KLRD1: variants seen among roughly 807,000 people sequenced by gnomAD.
KLRD1 encodes the protein natural killer cells antigen CD94.
KLRD1 carries 21 observed loss-of-function variants against 22.6 expected under a neutral mutation model. The ratio of observed to expected loss-of-function variants is 0.93; its 90% CI spans 0.66 to 1.34. The LOEUF is 1.34. Ranked by LOEUF, KLRD1 falls within the 40% of genes most tolerant of loss-of-function variation. The probability of loss-of-function intolerance (pLI) is 0.00; values close to 1 mark genes in which losing one functional copy is unlikely to be tolerated. For synonymous variants in KLRD1, 59 were observed against 71.1 expected (o/e 0.83, Z 0.85); for missense variants, 183 against 208.6 (o/e 0.88, Z 0.76).
upstream of KLRD1, among the ~76,000 whole-genome samples, chr12:10,305,695 A>T (rs1393883804): frequency 6.6e-6 from 1 of 152,198 alleles, no homozygotes; most frequent in East Asian, 1.9e-4. Flanking sequence ...TTCAGCAGTT[A>T]TTGGAGAAAA....
chr12:10,245,576 A>T (rs957260434), intron 1 of KLRD1, among the ~76,000 whole-genome samples: 5 of 152,202 alleles, frequency 3.3e-5, no homozygotes, highest in African/African-American at 1.2e-4. Context: ...ATATAAATAA[A>T]CCTGTACATA....
upstream of KLRD1, among the ~76,000 whole-genome samples, chr12:10,305,533 G>T (rs374756334): frequency 2.0e-4 from 31 of 152,224 alleles, no homozygotes; most frequent in East Asian, 3.7e-3. Flanking sequence ...AGTAATTCTG[G>T]GAACTGGGCA....
chr12:10,267,908 A>C (rs1592042130), intron 1 of KLRD1, among the ~76,000 whole-genome samples: 1 of 152,192 alleles, frequency 6.6e-6, no homozygotes, highest in Non-Finnish European at 1.5e-5. Context: ...CTGTGGCTGG[A>C]GGCTGGTTCG....
At position 10,317,671 on chromosome 12, in the gene KLRD1, C is replaced by T. The variant is rs1950260390; in HGVS notation, c.*2878C>T. 1 of 152,204 alleles carries T rather than the reference C, an allele frequency of 6.6e-6. No homozygotes were observed. Among genetic ancestry groups the T allele is most frequent in the Non-Finnish European group, 1.5e-5 (1 of 68,046 alleles). 9.4% of individuals were successfully genotyped at this position (152,204 alleles called of 1,614,324 possible). ...TTACCTACAGCTGTCTTGGTAAATT[C>T]TTTTACCTCAATGCCACCGGCCCAG... On this transcript the variant is annotated 3_prime_UTR_variant, in exon 6 of 6. Transcript: ENST00000336164.
At position 10,284,537 on chromosome 12, in the gene KLRD1, A is replaced by G. The variant is rs545380759; in HGVS notation, c.-100-23441A>G. On this transcript the variant is annotated intron_variant, in intron 1 of 5. Transcript: ENST00000544747. ...GCTAATCATAGTTTTTGTTTTATAC[A>G]TTTTGCTGTGGAAATATTAATGTGC... Among the ~76,000 whole-genome samples the G allele has an allele frequency of 3.9e-5, 6 of 152,298 alleles. No homozygotes were observed. The East Asian group carries it at 9.6e-4, about 24-fold the overall frequency.
chr12:10,313,980 A>G (rs1950161642), intron 5 of KLRD1, among the ~76,000 whole-genome samples: 1 of 152,162 alleles, frequency 6.6e-6, no homozygotes, highest in Non-Finnish European at 1.5e-5. Flanking sequence ...TTTTTCCTAA[A>G]TCAATCTTCA....
intron 1 of KLRD1, among the ~76,000 whole-genome samples, chr12:10,251,022 C>A (rs11053712): frequency 1.3e-5 from 2 of 152,064 alleles, no homozygotes; most frequent in African/African-American, 2.4e-5. Flanking sequence ...TCTGAAGTTC[C>A]ATAAACTGGA....
At chr12:10,305,657 G>T (rs1949910533), upstream of KLRD1, among the ~76,000 whole-genome samples, 1 of 152,120 alleles carries the variant, frequency 6.6e-6, no homozygotes, top group South Asian at 2.1e-4. Flanking sequence ...AGCACTTCCG[G>T]ATTAGCATGT....
chr12:10,268,316 A>T (rs544688828), intron 1 of KLRD1, among the ~76,000 whole-genome samples: 1 of 152,322 alleles, frequency 6.6e-6, no homozygotes, highest in South Asian at 2.1e-4. Context: ...AGTTAACAGT[A>T]TTAAAGTATG....
intron 1 of KLRD1, among the ~76,000 whole-genome samples, chr12:10,242,755 A>G (rs1240201893): frequency 6.6e-6 from 1 of 152,136 alleles, no homozygotes; most frequent in Non-Finnish European, 1.5e-5. Flanking sequence ...GTGAAGTAAT[A>G]TCTTATTGTG....
intron 1 of KLRD1, among the ~76,000 whole-genome samples, chr12:10,244,330 C>A (rs780787128): frequency 6.6e-6 from 1 of 152,110 alleles, no homozygotes; most frequent in Non-Finnish European, 1.5e-5. Flanking sequence ...TCAAATCAGT[C>A]GCTACCCACC....
intron 1 of KLRD1, among the ~76,000 whole-genome samples, chr12:10,248,088 T>TC (rs1949309500): frequency 6.6e-6 from 1 of 152,204 alleles, no homozygotes; most frequent in South Asian, 2.1e-4. Context: ...ACCTTGATTT[T>TC]CACTGGTGCT....
rs754742091 is a variant in KLRD1, at chr12:10,309,641, G to A, written c.116G>A (p.Ser39Asn). The A allele has an allele frequency of 1.9e-6, 3 of 1,612,618 alleles. No homozygotes were observed. The highest frequency in any genetic ancestry group is 2.5e-6 in the Non-Finnish European group (3 of 1,178,920). Residue 39 changes from serine to asparagine, a missense_variant, in exon 3 of 6, where the codon AGT becomes AAT. By Grantham distance (46) the Ser-to-Asn change is conservative. Coordinates refer to ENST00000336164, the MANE Select transcript of KLRD1 (RefSeq NM_002262.5). ...ILLKNSFTKL[S>N]IEPAFTPGPN... ...TTTCTTATAGCTTTTACTAAACTGAGTATTGAGCCAGCATTTACTCCAGGA... is the reference window on the plus strand; with the variant it reads ...TTTCTTATAGCTTTTACTAAACTGAATATTGAGCCAGCATTTACTCCAGGA...
chr12:10,286,020 G>A (rs10505759), intron 1 of KLRD1, among the ~76,000 whole-genome samples: 86,695 of 152,036 alleles, frequency 0.57, 27,225 homozygotes, highest in Admixed American at 0.74. Context: ...GCATCTTACT[G>A]TTTTCGCCAG....
At chr12:10,263,085 T>G (rs550332082) in intron 1 of KLRD1, among the ~76,000 whole-genome samples, 2 of 152,172 alleles carry the variant, frequency 1.3e-5, no homozygotes, top group East Asian at 3.9e-4. Flanking sequence ...TATATCTGTT[T>G]CCTTCTTCAC....
At chr12:10,255,325 CTAT>C (rs1198636026) in intron 1 of KLRD1, among the ~76,000 whole-genome samples, 2 of 152,074 alleles carry the variant, frequency 1.3e-5, no homozygotes, top group African/African-American at 4.8e-5. Context: ...TTTATTTTCT[CTAT>C]TTTCCACTCT....
intron 1 of KLRD1, among the ~76,000 whole-genome samples, chr12:10,283,976 G>C (rs1003696331): frequency 1.4e-5 from 2 of 145,780 alleles, no homozygotes; most frequent in Non-Finnish European, 3.0e-5. Context: ...AGGAGTTCAA[G>C]ACCAGCCTGG....
At chr12:10,273,660 A>C (rs888723466) in intron 1 of KLRD1, among the ~76,000 whole-genome samples, 27 of 152,322 alleles carry the variant, frequency 1.8e-4, no homozygotes, top group Admixed American at 1.5e-3. Flanking sequence ...GTTGGGTCTT[A>C]AGTTGTTTTG....
At chr12:10,306,191 A>T (rs3927994), upstream of KLRD1, among the ~76,000 whole-genome samples, 1 of 151,590 alleles carries the variant, frequency 6.6e-6, no homozygotes, top group Non-Finnish European at 1.5e-5. Context: ...AACAAACAAA[A>T]AAAGAACAAT....
Sources: gnomAD v4.1 joint callset for allele counts (sites outside exome capture counted in the v4.1 genomes callset) on GRCh38, gnomAD v4.1.1 for gene constraint, MANE v1.5 for transcripts, NCBI Gene and HGNC (gene_info 2026-07-23, HGNC 2026-07-21) for gene names.